Variants in ASIC2 observed in about 807,000 individuals in gnomAD.
The protein encoded by ASIC2 is acid sensing ion channel subunit 2.
A neutral mutation model predicts 57.3 loss-of-function variants in ASIC2; 25 were observed. That is an observed-to-expected ratio of 0.44 (90% CI 0.32 to 0.61). The LOEUF is 0.61. Among genes scored for constraint, ASIC2 ranks in the 20% least tolerant of loss-of-function variants. The pLI is 0.06. For missense variants in ASIC2, 641 were observed against 738.1 expected (o/e 0.87, Z 1.52); for synonymous variants, 319 against 307.5 (o/e 1.04, Z -0.39).
At chr17:33,857,948 C>T (rs1914006504) in intron 1 of ASIC2, among the ~76,000 whole-genome samples, 1 of 152,260 alleles carries the variant, frequency 6.6e-6, no homozygotes, top group South Asian at 2.1e-4. Flanking sequence ...CAGTCAGCAT[C>T]TTCCACAGCA....
At chr17:33,277,898 T>C (rs1904769913) in intron 1 of ASIC2, among the ~76,000 whole-genome samples, 1 of 152,202 alleles carries the variant, frequency 6.6e-6, no homozygotes, top group Admixed American at 6.5e-5. Context: ...TTTCATACTG[T>C]GTGGGCGAGA....
chr17:33,782,648 G>C (rs944602000), intron 1 of ASIC2, among the ~76,000 whole-genome samples: 2 of 152,140 alleles, frequency 1.3e-5, no homozygotes, highest in African/African-American at 4.8e-5. Context: ...AGGGTTGCCT[G>C]AGCCTGGGAA....
At chr17:34,087,176 A>G (rs1049381915) in intron 1 of ASIC2, among the ~76,000 whole-genome samples, 3 of 151,740 alleles carry the variant, frequency 2.0e-5, no homozygotes, top group South Asian at 4.2e-4. Flanking sequence ...AGTGGCTGGT[A>G]CCGGTTGTTC....
chr17:33,299,641 A>AC (rs1475811730), intron 1 of ASIC2, among the ~76,000 whole-genome samples: 1 of 151,564 alleles, frequency 6.6e-6, no homozygotes, highest in Admixed American at 6.6e-5. Context: ...TTCTCATTTT[A>AC]CTTGACTTCA....
chr17:33,255,142 C>T lies in ASIC2; in HGVS notation c.708+36266G>A, dbSNP rs368662747. ...GAAACCTCCACCTCTTGGATTCAAG[C>T]GATTCTCCTGCCTCAGCCTCCCGAG... is the stretch of plus-strand genomic sequence containing the variant. On this transcript the variant is annotated intron_variant, in intron 1 of 9. Coordinates refer to ENST00000225823, the MANE Select transcript of ASIC2 (RefSeq NM_183377.2). Among the ~76,000 whole-genome samples the T allele has an allele frequency of 2.7e-5, 4 of 146,704 alleles. 1 individual carries two copies. The highest frequency in any genetic ancestry group is 1.0e-4 in the African/African-American group (4 of 39,306).
rs1006145932 is a variant in ASIC2 at position 33,803,997 on chromosome 17, G to A, written c.555+351981C>T. Among the ~76,000 whole-genome samples the A allele has an allele frequency of 3.9e-5, 6 of 152,122 alleles. No individual in the cohort carries two copies. The South Asian group carries it at 1.2e-3, about 32-fold the overall frequency. ...AAGTATTTGTGTGCAAGTGATTTTT[G>A]TTAGGAAAGATCTAAAAATACCCAC... On this transcript the variant is annotated intron_variant, in intron 1 of 9. Coordinates refer to the ASIC2 transcript ENST00000359872.
chr17:34,086,593 T>C (rs1237162769), intron 1 of ASIC2, among the ~76,000 whole-genome samples: 1 of 152,218 alleles, frequency 6.6e-6, no homozygotes, highest in Non-Finnish European at 1.5e-5. Context: ...CTGGGTATCC[T>C]TGTTAACTTT....
chr17:33,351,558 A>G (rs1459042556), intron 1 of ASIC2, among the ~76,000 whole-genome samples: 2 of 152,080 alleles, frequency 1.3e-5, no homozygotes, highest in East Asian at 3.9e-4. Flanking sequence ...TACTCCCTCA[A>G]AGTGAATCCC....
intron 1 of ASIC2, among the ~76,000 whole-genome samples, chr17:33,183,378 T>C (rs1906063136): frequency 6.6e-6 from 1 of 152,162 alleles, no homozygotes; most frequent in South Asian, 2.1e-4. Context: ...AAAATTACAA[T>C]ACATAATAAG....
intron 1 of ASIC2, among the ~76,000 whole-genome samples, chr17:33,248,989 A>AG (rs1908790171): frequency 6.6e-6 from 1 of 152,150 alleles, no homozygotes; most frequent in Admixed American, 6.5e-5. Flanking sequence ...AAGTCCTGCT[A>AG]GGGGGCTTCT....
chr17:34,091,666 G>A (rs1057421632), intron 1 of ASIC2, among the ~76,000 whole-genome samples: 2 of 152,224 alleles, frequency 1.3e-5, no homozygotes, highest in Non-Finnish European at 2.9e-5. Context: ...GTGAATGAGA[G>A]AAAGAACATA....
At chr17:33,458,832 C>T (rs959345076) in intron 1 of ASIC2, among the ~76,000 whole-genome samples, 3 of 152,116 alleles carry the variant, frequency 2.0e-5, no homozygotes, top group African/African-American at 7.2e-5. Flanking sequence ...AGTATAAGAA[C>T]ATAATATCTT....
chr17:33,249,749 CT>C (rs1345965628), intron 1 of ASIC2, among the ~76,000 whole-genome samples: 1 of 152,216 alleles, frequency 6.6e-6, no homozygotes, highest in Non-Finnish European at 1.5e-5. Flanking sequence ...CAAAGCATAA[CT>C]TTTTGCAGCG....
At position 33,552,357 on chromosome 17, in the gene ASIC2, G is replaced by A. The variant is rs113771846; in HGVS notation, c.556-440290C>T. On this transcript the variant is annotated intron_variant, in intron 1 of 9. Transcript: ENST00000359872. ...GATGGCTGCTGGAGGCATGGAGGGT[G>A]GTCAAACTGATAGAATCAATACAAT... 3.8e-3 allele frequency among the ~76,000 whole-genome samples: 581 copies of A among 152,294 alleles called. 5 individuals are homozygous for A. Among genetic ancestry groups the A allele is most frequent in the African/African-American group, 0.013 (526 of 41,572 alleles).
chr17:33,543,955 C>T (rs140373607), intron 1 of ASIC2, among the ~76,000 whole-genome samples: 1 of 152,280 alleles, frequency 6.6e-6, no homozygotes, highest in African/African-American at 2.4e-5. Flanking sequence ...TATACAGTTG[C>T]ATAAGCACCA....
chr17:33,395,223 T>A (rs953400621), intron 1 of ASIC2, among the ~76,000 whole-genome samples: 2 of 142,606 alleles, frequency 1.4e-5, no homozygotes, highest in African/African-American at 2.5e-5. Context: ...CGTCCATCCA[T>A]CCATCCATCT....
chr17:34,077,745 C>T lies in ASIC2; in HGVS notation c.555+78233G>A, dbSNP rs544713222. On this transcript the variant is annotated intron_variant, in intron 1 of 9. Coordinates refer to the ASIC2 transcript ENST00000359872. The stretch of plus-strand genomic sequence containing the variant: ...ACTGCCATCACCTCCTTTTGAGCTC[C>T]AGCCCCTGAAGCTGGCCTTTTTGAG... Among the ~76,000 whole-genome samples the T allele has an allele frequency of 3.9e-5, 6 of 152,236 alleles. No individual in the cohort carries two copies. In the South Asian group the frequency reaches 1.2e-3, roughly 32 times the overall value.
At chr17:34,014,285 C>G (rs575065480) in intron 1 of ASIC2, among the ~76,000 whole-genome samples, 1 of 152,206 alleles carries the variant, frequency 6.6e-6, no homozygotes, top group African/African-American at 2.4e-5. Flanking sequence ...TTGATGGTCA[C>G]CCATAGCTAC....
chr17:34,021,837 GTTT>G (rs11394863), intron 1 of ASIC2, among the ~76,000 whole-genome samples: 243 of 118,308 alleles, frequency 2.1e-3, no homozygotes, highest in Admixed American at 4.9e-3. Flanking sequence ...GTTTTGTTTT[GTTT>G]TTTTTTTTTT....
Sources: gnomAD v4.1 joint callset for allele counts (sites outside exome capture counted in the v4.1 genomes callset) on GRCh38, gnomAD v4.1.1 for gene constraint, MANE v1.5 for transcripts, NCBI Gene and HGNC (gene_info 2026-07-23, HGNC 2026-07-21) for gene names.